DNAJC1: variants seen among roughly 807,000 people sequenced by gnomAD.
The protein encoded by DNAJC1 is DnaJ heat shock protein family (Hsp40) member C1.
Under a neutral mutation model 76.6 loss-of-function variants are expected in DNAJC1, and 58 were observed. That is an observed-to-expected ratio of 0.76 (90% CI 0.61 to 0.94). DNAJC1 has a LOEUF of 0.94. Ranked by LOEUF, DNAJC1 falls within the 40% of genes least tolerant of loss-of-function variation. The pLI, the probability that DNAJC1 is intolerant of heterozygous loss-of-function variation, is 0.00. For synonymous variants in DNAJC1, 258 were observed against 267.9 expected (o/e 0.96, Z 0.36); for missense variants, 689 against 677.3 (o/e 1.02, Z -0.19).
intron 1 of DNAJC1, among the ~76,000 whole-genome samples, chr10:21,962,724 T>C (rs569464946): frequency 4.4e-4 from 66 of 150,914 alleles, no homozygotes; most frequent in Non-Finnish European, 5.5e-4. Context: ...ATGCCTGGCC[T>C]GACTTTTTTC....
intron 8 of DNAJC1, among the ~76,000 whole-genome samples, chr10:21,831,789 C>CAAA (rs141184526): frequency 0.026 from 2,868 of 111,266 alleles, 88 homozygotes; most frequent in African/African-American, 0.042. Context: ...GACTCCATCT[C>CAAA]AAAAAAAAAA....
At chr10:21,911,295 A>G (rs1792295664) in intron 6 of DNAJC1, among the ~76,000 whole-genome samples, 2 of 152,172 alleles carry the variant, frequency 1.3e-5, no homozygotes, top group Admixed American at 6.5e-5. Flanking sequence ...AATAACCTTC[A>G]ATGTAGGAAA....
chr10:21,814,474 T>C (rs1366872381), intron 8 of DNAJC1, among the ~76,000 whole-genome samples: 1 of 152,216 alleles, frequency 6.6e-6, no homozygotes, highest in Admixed American at 6.5e-5. Context: ...GAGAAATTCA[T>C]GAGCACAAAC....
At chr10:21,989,090 G>A (rs1436528299) in intron 1 of DNAJC1, among the ~76,000 whole-genome samples, 2 of 152,174 alleles carry the variant, frequency 1.3e-5, no homozygotes, top group African/African-American at 2.4e-5. Flanking sequence ...TTGCTAGAAA[G>A]GAACAGGGAT....
intron 8 of DNAJC1, among the ~76,000 whole-genome samples, chr10:21,855,901 T>C (rs771112946): frequency 1.3e-5 from 2 of 151,624 alleles, no homozygotes; most frequent in Non-Finnish European, 2.9e-5. Flanking sequence ...AGCAACGAGA[T>C]TAAGGGACTA....
At chr10:21,820,744 C>A (rs1835146005) in intron 8 of DNAJC1, among the ~76,000 whole-genome samples, 1 of 152,200 alleles carries the variant, frequency 6.6e-6, no homozygotes. Context: ...GTTCCCATGA[C>A]CCCCTCTTTG....
chr10:21,996,094 A>G (rs1838411807), intron 1 of DNAJC1, among the ~76,000 whole-genome samples: 1 of 152,214 alleles, frequency 6.6e-6, no homozygotes, highest in African/African-American at 2.4e-5. Context: ...ACTTCATTAT[A>G]AAATGATCTA....
chr10:21,929,107 C>A lies in DNAJC1; in HGVS notation c.257G>T (p.Arg86Leu). 1 of 1,612,302 alleles carries A rather than the reference C, an allele frequency of 6.2e-7. No homozygotes were observed. Among genetic ancestry groups the A allele is most frequent in the Non-Finnish European group, 8.5e-7 (1 of 1,179,556 alleles). Reference sequence around the variant, plus strand: ...TGGATGTAAAGTTAGTGAAAGCTTACGATATGCTTTTCTGATGTCTGCAGA... The same window carrying A: ...TGGATGTAAAGTTAGTGAAAGCTTAAGATATGCTTTTCTGATGTCTGCAGA... ...ASSADIRKAY[R>L]KLSLTLHPDK... The change falls in exon 2 of 12, where the codon CGT (arginine) becomes CTT (leucine). Residue 86 changes from arginine to leucine, a missense_variant. Physicochemically the swap from Arg to Leu is moderately radical, Grantham distance 102. Coordinates refer to ENST00000376980, the MANE Select transcript of DNAJC1 (RefSeq NM_022365.4).
intron 8 of DNAJC1, among the ~76,000 whole-genome samples, chr10:21,849,236 T>A (rs1157546394): frequency 7.7e-6 from 1 of 129,124 alleles, no homozygotes; most frequent in African/African-American, 3.0e-5. Flanking sequence ...GAGGTTGCAG[T>A]GAGCCGAGAT....
chr10:21,898,419 C>T (rs113777994), intron 7 of DNAJC1, among the ~76,000 whole-genome samples: 4,208 of 152,074 alleles, frequency 0.028, 171 homozygotes, highest in African/African-American at 0.095. Context: ...ACTCATGTGT[C>T]GTAGTGATGC....
chr10:21,861,646 C>T (rs1252634015), intron 8 of DNAJC1, among the ~76,000 whole-genome samples: 2 of 152,030 alleles, frequency 1.3e-5, no homozygotes, highest in Non-Finnish European at 2.9e-5. Flanking sequence ...GTAAAGCCGC[C>T]GGCCAAAACC....
chr10:21,988,573 C>T (rs947302045), intron 1 of DNAJC1, among the ~76,000 whole-genome samples: 3 of 152,102 alleles, frequency 2.0e-5, no homozygotes, highest in South Asian at 2.1e-4. Flanking sequence ...TTAAGGATCA[C>T]GCTTAATTCT....
At chr10:21,890,027 A>C (rs955073100) in intron 7 of DNAJC1, among the ~76,000 whole-genome samples, 1 of 152,108 alleles carries the variant, frequency 6.6e-6, no homozygotes, top group African/African-American at 2.4e-5. Context: ...CCTGCTAATA[A>C]AGTCAGTGGA....
intron 1 of DNAJC1, among the ~76,000 whole-genome samples, chr10:21,980,288 G>A (rs1838134462): frequency 6.6e-6 from 1 of 152,010 alleles, no homozygotes; most frequent in Non-Finnish European, 1.5e-5. Context: ...ATTTTACGGT[G>A]GAGAAACCTG....
chr10:21,871,644 C>T (rs1020298977), intron 8 of DNAJC1, among the ~76,000 whole-genome samples: 9 of 151,910 alleles, frequency 5.9e-5, no homozygotes, highest in South Asian at 2.1e-4. Flanking sequence ...GTCTAATTTT[C>T]GTTATTATTA....
intron 9 of DNAJC1, chr10:21,785,552 A>G (rs991882035): frequency 2.6e-5 from 4 of 152,240 alleles, no homozygotes; most frequent in African/African-American, 4.8e-5. Flanking sequence ...AGTCGAAAAT[A>G]TAACAAAATT....
At chr10:21,996,383 T>C (rs760703426) in intron 1 of DNAJC1, among the ~76,000 whole-genome samples, 2 of 152,220 alleles carry the variant, frequency 1.3e-5, no homozygotes, top group African/African-American at 2.4e-5. Context: ...ACAACTTTTA[T>C]TGGCATTACT....
intron 7 of DNAJC1, among the ~76,000 whole-genome samples, chr10:21,882,985 C>T (rs1836306723): frequency 1.3e-5 from 2 of 152,038 alleles, no homozygotes; most frequent in Non-Finnish European, 2.9e-5. Context: ...AGCAGTGGTT[C>T]ACGGCTCTAA....
chr10:21,919,736 G>C (rs1837010438), intron 5 of DNAJC1, 96 bp downstream of exon 5: 2 of 781,014 alleles, frequency 2.6e-6, no homozygotes, highest in South Asian at 3.9e-5. Flanking sequence ...ATATAAATGA[G>C]AGCACATGTA....
Sources: gnomAD v4.1 joint callset for allele counts (sites outside exome capture counted in the v4.1 genomes callset) on GRCh38, gnomAD v4.1.1 for gene constraint, MANE v1.5 for transcripts, NCBI Gene and HGNC (gene_info 2026-07-23, HGNC 2026-07-21) for gene names.